Variants in TMEM131 observed in about 807,000 individuals in gnomAD.
The protein encoded by TMEM131 is 2610524E03Rik.
TMEM131 carries 66 observed loss-of-function variants against 211.6 expected under a neutral mutation model. The ratio of observed to expected loss-of-function variants is 0.31; its 90% confidence interval spans 0.26 to 0.38. The LOEUF is 0.38. Among genes scored for constraint, TMEM131 ranks in the 10% least tolerant of loss-of-function variants. TMEM131 has a pLI of 1.00. For synonymous variants in TMEM131, 844 were observed against 841.3 expected (o/e 1.00, Z -0.06); for missense variants, 2,036 against 2,299.3 (o/e 0.89, Z 2.34).
In TMEM131 at chr2:97,805,131, G is replaced by A. The variant is rs1559370372; in HGVS notation, c.2359C>T (p.Leu787=). ...WDADWDLHQS[L]FKGWTGIKEN... ...TTTATTCCTGTCCATCCCTTGAACA[G>A]GCTTTGATGCAAATCCCAGTCAGCA... The change falls in exon 22 of 41, where the codon CTG becomes TTG. Residue 787 remains leucine (L), a synonymous_variant. Transcript: ENST00000186436. 6.2e-7 allele frequency: 1 copy of A among 1,613,792 alleles called. No homozygotes were observed. Among genetic ancestry groups the A allele is most frequent in the Non-Finnish European group, 8.5e-7 (1 of 1,179,814 alleles).
rs373540613 is a variant in TMEM131, at chr2:97,792,904, C to T, written c.3626G>A (p.Gly1209Glu). The change falls in exon 31 of 41, where the codon GGG becomes GAG. Residue 1209 changes from glycine (G) to glutamate (E), a missense_variant. By Grantham distance (98) the Gly-to-Glu change is moderately conservative (BLOSUM62 -2). This residue lies in a region of TMEM131 where 1,623 missense variants were observed against 1,805.9 expected (regional missense o/e 0.90). Transcript: ENST00000186436. Reference protein sequence around the residue: ...AGGSSSRPSAGSHKQCGPSVH... With the variant: ...AGGSSSRPSAESHKQCGPSVH... Reference sequence around the variant, plus strand: ...CGATGGGCCACACTGCTTATGACTCCCGGCACTGGGTCGGGATGATGAACC... The same window carrying T: ...CGATGGGCCACACTGCTTATGACTCTCGGCACTGGGTCGGGATGATGAACC... 4 of 1,612,820 alleles carry T rather than the reference C, an allele frequency of 2.5e-6. No individual in the cohort carries two copies. The African/African-American group carries it at 4.0e-5, about 16-fold the overall frequency.
chr2:97,954,846 T>G (rs1678492879), intron 1 of TMEM131, among the ~76,000 whole-genome samples: 2 of 121,434 alleles, frequency 1.6e-5, no homozygotes, highest in Non-Finnish European at 3.6e-5. Context: ...AAGAGAAAGA[T>G]CTCCAAAAAA....
intron 2 of TMEM131, among the ~76,000 whole-genome samples, chr2:97,926,019 G>C (rs1425237086): frequency 6.6e-6 from 1 of 151,972 alleles, no homozygotes; most frequent in Non-Finnish European, 1.5e-5. Flanking sequence ...GGCCTAGGCA[G>C]GAGAATGGTG....
intron 4 of TMEM131, among the ~76,000 whole-genome samples, chr2:97,878,227 C>G (rs1215153355): frequency 6.6e-6 from 1 of 152,106 alleles, no homozygotes; most frequent in Non-Finnish European, 1.5e-5. Context: ...TGTGGAGAAA[C>G]AGGAACGCTT....
chr2:97,875,719 T>C (rs1430192822), intron 4 of TMEM131, among the ~76,000 whole-genome samples: 1 of 152,222 alleles, frequency 6.6e-6, no homozygotes, highest in African/African-American at 2.4e-5. Context: ...TTCAAAGCAC[T>C]GTGTAGAGGG....
intron 7 of TMEM131, among the ~76,000 whole-genome samples, chr2:97,839,127 C>T (rs74505264): frequency 0.074 from 11,293 of 152,152 alleles, 503 homozygotes; most frequent in Middle Eastern, 0.12. Flanking sequence ...GAGTTGTAGG[C>T]CAGCCTAGGC....
At chr2:97,813,894 C>G in intron 15 of TMEM131, 77 bp downstream of exon 15, 1 of 1,184,084 alleles carries the variant, frequency 8.4e-7, no homozygotes, top group Non-Finnish European at 1.2e-6. Flanking sequence ...CCGTATGTAA[C>G]ACGACTGCCT....
At chr2:97,881,053 G>A (rs967766997) in intron 4 of TMEM131, among the ~76,000 whole-genome samples, 5 of 152,056 alleles carry the variant, frequency 3.3e-5, no homozygotes, top group East Asian at 1.9e-4. Flanking sequence ...TTAGCAGTTC[G>A]ACAACATTAT....
intron 31 of TMEM131, among the ~76,000 whole-genome samples, chr2:97,788,738 A>C (rs1419839601): frequency 1.3e-5 from 2 of 152,188 alleles, no homozygotes; most frequent in Non-Finnish European, 2.9e-5. Flanking sequence ...AAACCGTAGC[A>C]AGCAGTGCCA....
chr2:97,768,404 G>A (rs34414288), intron 33 of TMEM131, among the ~76,000 whole-genome samples: 41,036 of 152,122 alleles, frequency 0.27, 6,067 homozygotes, highest in Middle Eastern at 0.36. Context: ...TTAAGTGTGC[G>A]TGGGTAGCTA....
chr2:97,861,591 G>A (rs560332117), intron 4 of TMEM131, among the ~76,000 whole-genome samples: 4 of 151,882 alleles, frequency 2.6e-5, no homozygotes, highest in East Asian at 1.9e-4. Context: ...GGTATTCTCC[G>A]TGGGCTTGTG....
chr2:97,808,002 T>C (rs963767569), intron 19 of TMEM131, among the ~76,000 whole-genome samples: 4 of 152,222 alleles, frequency 2.6e-5, no homozygotes, highest in African/African-American at 4.8e-5. Context: ...TTTAAAATGC[T>C]TGGGGCCAGA....
intron 4 of TMEM131, 50 bp from the exon 5 acceptor site, chr2:97,859,477 T>C (rs987159819): frequency 7.0e-7 from 1 of 1,428,222 alleles, no homozygotes; most frequent in Non-Finnish European, 9.3e-7. Context: ...ATAATTCTGA[T>C]TATTTCTAGT....
At chr2:97,857,640 T>C (rs1673900995) in intron 5 of TMEM131, among the ~76,000 whole-genome samples, 1 of 152,212 alleles carries the variant, frequency 6.6e-6, no homozygotes, top group Non-Finnish European at 1.5e-5. Context: ...GCCTGAAAGC[T>C]GGATGGTTTC....
chr2:97,802,322 G>A (rs1036835620), intron 24 of TMEM131, 106 bp downstream of exon 24: 17 of 885,656 alleles, frequency 1.9e-5, no homozygotes, highest in East Asian at 7.9e-5. Flanking sequence ...AGAACTTCTC[G>A]TCAAATCTAT....
At chr2:97,793,594 T>C in intron 29 of TMEM131, 41 bp from the exon 30 acceptor site, 1 of 1,554,344 alleles carries the variant, frequency 6.4e-7, no homozygotes, top group Non-Finnish European at 8.7e-7. Context: ...GATTCATTTG[T>C]TAGTAGACAA....
chr2:97,786,118 C>T (rs2104859029), intron 31 of TMEM131, among the ~76,000 whole-genome samples: 1 of 152,256 alleles, frequency 6.6e-6, no homozygotes, highest in South Asian at 2.1e-4. Flanking sequence ...GCATCACTAT[C>T]CTGGGTATAG....
At chr2:97,799,926 A>AGC (rs1471238999) in intron 25 of TMEM131, among the ~76,000 whole-genome samples, 1 of 152,236 alleles carries the variant, frequency 6.6e-6, no homozygotes, top group Non-Finnish European at 1.5e-5. Flanking sequence ...TAAGTCAGGG[A>AGC]GCCAGCCATT....
At chr2:97,870,749 GT>G (rs1342445125) in intron 4 of TMEM131, among the ~76,000 whole-genome samples, 2 of 152,218 alleles carry the variant, frequency 1.3e-5, no homozygotes, top group African/African-American at 4.8e-5. Flanking sequence ...ACAGCACTCT[GT>G]TAAGCATAGT....
Sources: allele counts gnomAD v4.1 joint callset (sites outside exome capture counted in the v4.1 genomes callset), GRCh38; gene constraint gnomAD v4.1.1; regional missense constraint gnomAD v4.1.1; transcripts MANE v1.5; gene names NCBI Gene and HGNC (gene_info 2026-07-23, HGNC 2026-07-21).